The following SPATA13 variants were observed in gnomAD, a reference collection of about 807,000 sequenced individuals.
SPATA13 encodes the protein spermatogenesis associated 13, also known as spermatogenesis-associated protein 13.
In SPATA13, 50 loss-of-function variants were observed where a neutral mutation model predicts 104.0. The observed-to-expected ratio is 0.48, with a 90% CI of 0.38 to 0.61. The LOEUF (loss-of-function observed/expected upper bound fraction) is 0.61, where lower values mean the gene tolerates loss of function less well. Among genes scored for constraint, SPATA13 ranks in the 20% least tolerant of loss-of-function variants. The pLI is 0.00. For synonymous variants in SPATA13, 606 were observed against 667.5 expected (o/e 0.91, Z 1.42); for missense variants, 1,524 against 1,690.6 (o/e 0.90, Z 1.73).
At chr13:24,291,740 A>ATTTT (rs111558434) in intron 9 of SPATA13, among the ~76,000 whole-genome samples, 19 of 138,806 alleles carry the variant, frequency 1.4e-4, no homozygotes, top group African/African-American at 5.1e-4. Context: ...CTCTGTCTTT[A>ATTTT]TTTTTTTATT....
chr13:24,039,668 G>A (rs557740612), intron 3 of SPATA13, among the ~76,000 whole-genome samples: 2 of 152,148 alleles, frequency 1.3e-5, no homozygotes, highest in South Asian at 4.2e-4. Context: ...GGACTGGAGG[G>A]GTCCATAGGT....
intron 3 of SPATA13, among the ~76,000 whole-genome samples, chr13:24,154,532 G>GA (rs1882202177): frequency 6.6e-6 from 1 of 152,118 alleles, no homozygotes; most frequent in Non-Finnish European, 1.5e-5. Context: ...CTAACGGGGG[G>GA]GAGGGGCACA....
At chr13:24,227,651 A>G (rs1011370384) in intron 2 of SPATA13, among the ~76,000 whole-genome samples, 49 of 152,068 alleles carry the variant, frequency 3.2e-4, no homozygotes, top group Admixed American at 3.9e-4. Context: ...GCTCACTGCA[A>G]CCTTTGCCTC....
intron 2 of SPATA13, among the ~76,000 whole-genome samples, chr13:24,001,893 G>A (rs1463072462): frequency 6.6e-6 from 1 of 152,058 alleles, no homozygotes; most frequent in African/African-American, 2.4e-5. Flanking sequence ...AGATGAGGCT[G>A]GAGTGTGGCT....
chr13:24,269,827 G>C (rs976577692), intron 4 of SPATA13, among the ~76,000 whole-genome samples: 9 of 127,086 alleles, frequency 7.1e-5, no homozygotes, highest in African/African-American at 2.3e-4. Context: ...GGGCTCAATT[G>C]ATCCTCCCAC....
At chr13:24,165,525 TGG>T (rs1238465967) in intron 1 of SPATA13, among the ~76,000 whole-genome samples, 2 of 152,184 alleles carry the variant, frequency 1.3e-5, no homozygotes, top group African/African-American at 4.8e-5. Flanking sequence ...CCTGGGTTCC[TGG>T]GCCACCCAGT....
At position 24,304,619 on chromosome 13, in the gene SPATA13, A is replaced by G. The variant is rs976346516; in HGVS notation, c.*1846A>G. On this transcript the variant is annotated 3_prime_UTR_variant, in exon 13 of 13. Coordinates refer to ENST00000382108, the MANE Select transcript of SPATA13 (RefSeq NM_001166271.3). ...TGAGAGTGACATCATGCATCAAGAA[A>G]ACATAACCTTGGTCCTCAGGTGAAC... The G allele has an allele frequency of 3.3e-5, 5 of 152,236 alleles. No individual in the cohort carries two copies. The highest frequency in any genetic ancestry group is 1.2e-4 in the African/African-American group (5 of 41,446). The allele number at this position is 152,236 out of a possible 1,614,324, so 9.4% of individuals were successfully genotyped here.
At chr13:24,135,149 A>G (rs910521567) in intron 3 of SPATA13, among the ~76,000 whole-genome samples, 1 of 152,116 alleles carries the variant, frequency 6.6e-6, no homozygotes, top group Non-Finnish European at 1.5e-5. Flanking sequence ...ATAAATTTCT[A>G]TTGTATAAGC....
chr13:23,982,807 C>A (rs993855926), intron 1 of SPATA13, among the ~76,000 whole-genome samples: 1 of 152,104 alleles, frequency 6.6e-6, no homozygotes, highest in Non-Finnish European at 1.5e-5. Context: ...ATCTTCTGAC[C>A]GTGTCACATG....
chr13:24,041,412 C>T (rs2137728959), intron 3 of SPATA13, among the ~76,000 whole-genome samples: 1 of 152,266 alleles, frequency 6.6e-6, no homozygotes, highest in Admixed American at 6.5e-5. Flanking sequence ...TGCCTATGTC[C>T]AAATTAAATG....
At chr13:24,117,440 T>A (rs536785169) in intron 3 of SPATA13, among the ~76,000 whole-genome samples, 5 of 152,334 alleles carry the variant, frequency 3.3e-5, no homozygotes, top group African/African-American at 1.2e-4. Flanking sequence ...TGATGCAGTT[T>A]GGGTTTACTG....
At position 24,286,946 on chromosome 13, in the gene SPATA13, G is replaced by T; in HGVS notation, c.2663G>T (p.Cys888Phe). The T allele has an allele frequency of 6.2e-7, 1 of 1,612,698 alleles. No homozygotes were observed. Residue 888 changes from cysteine to phenylalanine, a missense_variant, in exon 7 of 13, where the codon TGT becomes TTT. Cys to Phe is a radical substitution (Grantham distance 205, BLOSUM62 -2). Around this residue, in one of 2 missense-constraint regions of SPATA13, gnomAD observed 435 missense variants for 554.8 expected, o/e 0.78. Coordinates refer to ENST00000382108, the MANE Select transcript of SPATA13 (RefSeq NM_001166271.3). This position sits in a 1 kb window ranked among gnomAD's most constrained non-coding sequence, Gnocchi z 4.9. ...TACATCAAACACCTCAGGGACATCTGTGAGGTGGGACGCCAGGCTGGGACC... is the reference window on the plus strand; with the variant it reads ...TACATCAAACACCTCAGGGACATCTTTGAGGTGGGACGCCAGGCTGGGACC... ...RVYIKHLRDICEGYIRQCRKH... is the reference protein window; with the variant it reads ...RVYIKHLRDIFEGYIRQCRKH...
In SPATA13 at chr13:24,083,035, A is replaced by G. The variant is rs192607392; in HGVS notation, c.-112+65334A>G. Reference sequence around the variant, plus strand: ...ATGGTTGGAATAGCCCAAGCCTTCTATGCTGGACTAGAAATGATAGCCTAC... The same window carrying G: ...ATGGTTGGAATAGCCCAAGCCTTCTGTGCTGGACTAGAAATGATAGCCTAC... On this transcript the variant is annotated intron_variant, in intron 3 of 14. Coordinates refer to the SPATA13 transcript ENST00000424834. Among the ~76,000 whole-genome samples the G allele has an allele frequency of 1.7e-3, 266 of 152,290 alleles. 7 individuals carry two copies. Among genetic ancestry groups the G allele is most frequent in the Non-Finnish European group, 3.5e-4 (24 of 68,012 alleles).
chr13:24,225,504 C>T (rs1440454810), intron 2 of SPATA13, among the ~76,000 whole-genome samples: 2 of 152,258 alleles, frequency 1.3e-5, no homozygotes, highest in African/African-American at 4.8e-5. Flanking sequence ...AGGGCCACAG[C>T]TCTCTTCTTC....
chr13:24,150,176 T>C (rs193073912), intron 3 of SPATA13, among the ~76,000 whole-genome samples: 50 of 152,244 alleles, frequency 3.3e-4, no homozygotes, highest in Middle Eastern at 3.4e-3. Flanking sequence ...TGAGACACAT[T>C]GGCTCTACAG....
chr13:24,055,684 G>A (rs1483168881), intron 3 of SPATA13, among the ~76,000 whole-genome samples: 2 of 152,202 alleles, frequency 1.3e-5, no homozygotes, highest in Non-Finnish European at 2.9e-5. Flanking sequence ...CTCGCCAGGT[G>A]CCTTTGGCTA....
intron 3 of SPATA13, among the ~76,000 whole-genome samples, chr13:24,078,388 G>A (rs755864364): frequency 6.6e-6 from 1 of 152,208 alleles, no homozygotes; most frequent in Non-Finnish European, 1.5e-5. Flanking sequence ...ACAGATGGTA[G>A]CTCATTGAAG....
At chr13:24,193,092 G>A (rs1340285827) in intron 1 of SPATA13, among the ~76,000 whole-genome samples, 3 of 152,224 alleles carry the variant, frequency 2.0e-5, no homozygotes, top group East Asian at 1.9e-4. Context: ...GAAGGGACAG[G>A]AGCCACTGAG....
intron 3 of SPATA13, among the ~76,000 whole-genome samples, chr13:24,114,722 G>A (rs1038093679): frequency 6.6e-6 from 1 of 152,100 alleles, no homozygotes; most frequent in Non-Finnish European, 1.5e-5. Context: ...GAGTGCAATG[G>A]CACGATCTTG....
Sources: allele counts gnomAD v4.1 joint callset (sites outside exome capture counted in the v4.1 genomes callset), GRCh38; gene constraint gnomAD v4.1.1; regional missense constraint gnomAD v4.1.1; non-coding constraint Gnocchi (gnomAD v3.1); transcripts MANE v1.5; gene names NCBI Gene and HGNC (gene_info 2026-07-23, HGNC 2026-07-21).